The following FAM135B variants were observed in gnomAD, a reference collection of about 807,000 sequenced individuals.
FAM135B encodes the protein family with sequence similarity 135 member B.
Under a neutral mutation model 127.7 loss-of-function variants are expected in FAM135B, and 43 were observed. The observed-to-expected ratio is 0.34, with a 90% confidence interval of 0.26 to 0.43. The LOEUF is 0.43. Ranked by LOEUF, FAM135B falls within the 20% of genes least tolerant of loss-of-function variation. FAM135B has a pLI of 1.00. For synonymous variants in FAM135B, 670 were observed against 665.1 expected (o/e 1.01, Z -0.11); for missense variants, 1,558 against 1,725.6 (o/e 0.90, Z 1.72).
intron 7 of FAM135B, among the ~76,000 whole-genome samples, chr8:138,227,048 G>A (rs1426605101): frequency 6.6e-6 from 1 of 152,140 alleles, no homozygotes; most frequent in East Asian, 1.9e-4. Flanking sequence ...CATGCTCCAT[G>A]ACAAACTGTC....
chr8:138,390,478 C>T (rs1832500148), intron 1 of FAM135B, among the ~76,000 whole-genome samples: 1 of 152,166 alleles, frequency 6.6e-6, no homozygotes, highest in Non-Finnish European at 1.5e-5. Context: ...GTCCATCACA[C>T]CTCTTTTTCT....
Position 138,243,678 on chromosome 8 carries a change from T to C in FAM135B, c.543-610A>G, listed in dbSNP as rs1162638289. Among the ~76,000 whole-genome samples the C allele has an allele frequency of 6.6e-6, 1 of 152,230 alleles. No homozygotes were observed. The highest frequency in any genetic ancestry group is 1.5e-5 in the Non-Finnish European group (1 of 68,036). On this transcript the variant is annotated intron_variant, in intron 6 of 19. Coordinates refer to ENST00000395297, the MANE Select transcript of FAM135B (RefSeq NM_015912.4). The surrounding 1 kb of genome is among the most constrained non-coding windows in gnomAD (Gnocchi z 7.5). ...CCAAAGATTAATGGACATATTGTGATGGCAATGATCAATTTCAGGATCAAA... is the reference window on the plus strand; with the variant it reads ...CCAAAGATTAATGGACATATTGTGACGGCAATGATCAATTTCAGGATCAAA...
At chr8:138,408,952 C>T (rs1056424153) in intron 1 of FAM135B, among the ~76,000 whole-genome samples, 10 of 152,070 alleles carry the variant, frequency 6.6e-5, no homozygotes, top group Admixed American at 3.9e-4. Flanking sequence ...TCCATTTCAG[C>T]GATTAGGCTA....
At chr8:138,268,269 C>T (rs1214751269) in intron 3 of FAM135B, among the ~76,000 whole-genome samples, 2 of 152,160 alleles carry the variant, frequency 1.3e-5, no homozygotes, top group Non-Finnish European at 2.9e-5. Flanking sequence ...ATTGTGTTTG[C>T]AGAGAAACTT....
chr8:138,144,042 G>A (rs1019123653), intron 15 of FAM135B, among the ~76,000 whole-genome samples: 1 of 152,308 alleles, frequency 6.6e-6, no homozygotes, highest in South Asian at 2.1e-4. Flanking sequence ...CTGTGCCCTG[G>A]ACCTGTTGCT....
intron 1 of FAM135B, among the ~76,000 whole-genome samples, chr8:138,491,074 G>T (rs1815173835): frequency 6.7e-6 from 1 of 149,874 alleles, no homozygotes; most frequent in East Asian, 2.0e-4. Context: ...CCAGGAAGTG[G>T]AGGTTGCAGT....
intron 1 of FAM135B, chr8:138,441,129 G>A (rs1017932738): frequency 6.6e-6 from 1 of 152,172 alleles, no homozygotes; most frequent in African/African-American, 2.4e-5. Context: ...TGGCTACAAT[G>A]TTAATGATGA....
At chr8:138,320,002 C>A (rs2130938706) in intron 2 of FAM135B, among the ~76,000 whole-genome samples, 1 of 152,268 alleles carries the variant, frequency 6.6e-6, no homozygotes, top group Admixed American at 6.5e-5. Context: ...GGGATGCAGG[C>A]AGCCTCTATA....
intron 11 of FAM135B, among the ~76,000 whole-genome samples, chr8:138,170,829 C>T (rs1179081408): frequency 1.3e-5 from 2 of 152,086 alleles, no homozygotes; most frequent in Admixed American, 6.6e-5. Flanking sequence ...AAGATCTACC[C>T]TTAATGTGGG....
intron 1 of FAM135B, among the ~76,000 whole-genome samples, chr8:138,378,111 C>A (rs1352403461): frequency 6.6e-6 from 1 of 152,194 alleles, no homozygotes; most frequent in African/African-American, 2.4e-5. Context: ...TGTTTACATG[C>A]AGAATTGGGG....
chr8:138,300,607 T>C (rs1049155088), intron 3 of FAM135B, among the ~76,000 whole-genome samples: 1 of 152,166 alleles, frequency 6.6e-6, no homozygotes, highest in African/African-American at 2.4e-5. Flanking sequence ...GACTAAATCA[T>C]GTAATTATCC....
intron 7 of FAM135B, among the ~76,000 whole-genome samples, chr8:138,224,661 C>T (rs1209659583): frequency 6.6e-6 from 1 of 152,122 alleles, no homozygotes; most frequent in Non-Finnish European, 1.5e-5. Flanking sequence ...ATGTTATGGA[C>T]TTGATGTTTG....
intron 3 of FAM135B, among the ~76,000 whole-genome samples, chr8:138,306,709 A>G (rs183017298): frequency 6.3e-4 from 95 of 151,940 alleles, no homozygotes; most frequent in African/African-American, 2.2e-3. Context: ...CAGTCCCCCA[A>G]GTAGCCGGGA....
rs550846723 is a variant in FAM135B at position 138,384,159 on chromosome 8, G to C, written c.-19-16157C>G. 8.5e-5 allele frequency among the ~76,000 whole-genome samples: 13 copies of C among 152,268 alleles called. No homozygotes were observed. In the South Asian group the frequency reaches 2.7e-3, roughly 32 times the overall value. On this transcript the variant is annotated intron_variant, in intron 1 of 19. Transcript: ENST00000395297. ...AGCTGGATGTCCGGTGCATAGCATA[G>C]CTGCCTGCATTGATACCATTCCACT...
chr8:138,222,071 T>C (rs558712653), intron 7 of FAM135B, among the ~76,000 whole-genome samples: 194 of 148,796 alleles, frequency 1.3e-3, no homozygotes, highest in African/African-American at 4.3e-3. Context: ...ATGTAGAGAG[T>C]GGGAGGTGGA....
intron 1 of FAM135B, among the ~76,000 whole-genome samples, chr8:138,495,781 T>TG (rs1815368604): frequency 6.6e-6 from 1 of 152,200 alleles, no homozygotes; most frequent in South Asian, 2.1e-4. Flanking sequence ...ACAGCCCAGG[T>TG]GCCTCTCGGC....
At chr8:138,362,278 CATATCTT>C (rs1159860536) in intron 2 of FAM135B, among the ~76,000 whole-genome samples, 1 of 84,858 alleles carries the variant, frequency 1.2e-5, no homozygotes, top group Non-Finnish European at 2.2e-5. Context: ...CCCCCACCCC[CATATCTT>C]TTTTTTTTTT....
chr8:138,294,044 C>T (rs1825308170), intron 3 of FAM135B, among the ~76,000 whole-genome samples: 2 of 152,148 alleles, frequency 1.3e-5, no homozygotes, highest in Non-Finnish European at 2.9e-5. Flanking sequence ...GCTATATCCA[C>T]ACCATGGAAT....
intron 1 of FAM135B, among the ~76,000 whole-genome samples, chr8:138,375,799 G>T (rs539519218): frequency 6.6e-6 from 1 of 152,070 alleles, no homozygotes; most frequent in Non-Finnish European, 1.5e-5. Context: ...TGGTAGGGAT[G>T]GGGGGAAGTC....
Sources: gnomAD v4.1 joint callset for allele counts (sites outside exome capture counted in the v4.1 genomes callset) on GRCh38, gnomAD v4.1.1 for gene constraint, Gnocchi (gnomAD v3.1) non-coding constraint, MANE v1.5 for transcripts, NCBI Gene and HGNC (gene_info 2026-07-23, HGNC 2026-07-21) for gene names.